MAP2K6: variants seen among roughly 807,000 people sequenced by gnomAD.
MAP2K6 encodes mitogen-activated protein kinase kinase 6.
Under a neutral mutation model 53.7 loss-of-function variants are expected in MAP2K6, and 16 were observed. The ratio of observed to expected loss-of-function variants is 0.30; its 90% confidence interval spans 0.20 to 0.45. MAP2K6 has a LOEUF of 0.45. Among genes scored for constraint, MAP2K6 ranks in the 20% least tolerant of loss-of-function variants. MAP2K6 has a pLI of 1.00. For synonymous variants in MAP2K6, 132 were observed against 143.1 expected (o/e 0.92, Z 0.55); for missense variants, 204 against 411.9 (o/e 0.50, Z 4.37).
chr17:69,434,516 G>T (rs189567678), intron 1 of MAP2K6: 219 of 152,298 alleles, frequency 1.4e-3, no homozygotes, highest in African/African-American at 5.0e-3. Context: ...TAGAGCTGGA[G>T]CTTCTGGGCC....
intron 1 of MAP2K6, among the ~76,000 whole-genome samples, chr17:69,463,131 A>C (rs1431030102): frequency 6.6e-6 from 1 of 151,834 alleles, no homozygotes; most frequent in East Asian, 1.9e-4. Context: ...ACACAGTGTT[A>C]GAGGTTTATG....
chr17:69,486,902 C>G (rs57643001), intron 1 of MAP2K6, among the ~76,000 whole-genome samples: 1 of 152,152 alleles, frequency 6.6e-6, no homozygotes, highest in Non-Finnish European at 1.5e-5. Context: ...ATCAGCTAGT[C>G]GATTGCCCAA....
intron 1 of MAP2K6, among the ~76,000 whole-genome samples, chr17:69,422,966 C>T (rs1177611502): frequency 2.6e-5 from 4 of 152,174 alleles, no homozygotes; most frequent in Admixed American, 1.3e-4. Flanking sequence ...TCACTGCAAT[C>T]GCCACCTCCT....
chr17:69,448,841 T>C (rs1907072209), intron 1 of MAP2K6, among the ~76,000 whole-genome samples: 1 of 152,196 alleles, frequency 6.6e-6, no homozygotes, highest in Middle Eastern at 3.2e-3. Context: ...CTTCTGTCCT[T>C]GGGATTCATG....
rs971900348 is a variant in MAP2K6, at chr17:69,494,641, C to T, written c.17-11139C>T. On this transcript the variant is annotated intron_variant, in intron 1 of 11. Coordinates refer to ENST00000590474, the MANE Select transcript of MAP2K6 (RefSeq NM_002758.4). This position sits in a 1 kb window ranked among gnomAD's most constrained non-coding sequence, Gnocchi z 4.2. ...GTTTCTTTATTACCCCCTTAGTCTTCAAGCAGCTGGTTGAATTAAAGTTAC... is the reference window on the plus strand; with the variant it reads ...GTTTCTTTATTACCCCCTTAGTCTTTAAGCAGCTGGTTGAATTAAAGTTAC... Among the ~76,000 whole-genome samples, 2 of 152,120 alleles carry T rather than the reference C, an allele frequency of 1.3e-5. No individual in the cohort carries two copies. The highest frequency in any genetic ancestry group is 4.8e-5 in the African/African-American group (2 of 41,436).
intron 1 of MAP2K6, among the ~76,000 whole-genome samples, chr17:69,443,947 C>T (rs1192078409): frequency 6.6e-6 from 1 of 152,098 alleles, no homozygotes; most frequent in East Asian, 1.9e-4. Context: ...CAGTTTGTTG[C>T]TACAACTGGG....
chr17:69,548,158 C>T lies in MAP2K6; in HGVS notation c.*6405C>T, dbSNP rs1911949194. On this transcript the variant is annotated 3_prime_UTR_variant, in exon 12 of 12. Coordinates refer to ENST00000590474, the MANE Select transcript of MAP2K6 (RefSeq NM_002758.4). Reference sequence around the variant, plus strand: ...TCAGGCCTACTCATTTTGTGCTGTCCCACAAAAGTGAGAGGAGTACTTCTC... The same window carrying T: ...TCAGGCCTACTCATTTTGTGCTGTCTCACAAAAGTGAGAGGAGTACTTCTC... 6.6e-6 allele frequency: 1 copy of T among 152,134 alleles called. No individual in the cohort carries two copies. Among genetic ancestry groups the T allele is most frequent in the African/African-American group, 2.4e-5 (1 of 41,438 alleles). 9.4% of individuals were successfully genotyped at this position (152,134 alleles called of 1,614,324 possible).
chr17:69,497,633 G>C (rs1908999626), intron 1 of MAP2K6, among the ~76,000 whole-genome samples: 1 of 150,594 alleles, frequency 6.6e-6, no homozygotes, highest in Non-Finnish European at 1.5e-5. Context: ...ACAGTATTTT[G>C]ATCTCTGACT....
intron 1 of MAP2K6, among the ~76,000 whole-genome samples, chr17:69,452,912 T>C (rs556324715): frequency 2.0e-5 from 3 of 152,322 alleles, no homozygotes; most frequent in African/African-American, 7.2e-5. Context: ...CATATTCAAT[T>C]ATAGTCAGTT....
intron 1 of MAP2K6, among the ~76,000 whole-genome samples, chr17:69,493,780 A>AAT (rs3030910): frequency 0.43 from 64,943 of 151,334 alleles, 14,178 homozygotes; most frequent in East Asian, 0.53. Flanking sequence ...GAAAAAAAAA[A>AAT]ATATATGTAT....
intron 1 of MAP2K6, among the ~76,000 whole-genome samples, chr17:69,478,015 G>A (rs552092162): frequency 1.3e-5 from 2 of 152,318 alleles, no homozygotes; most frequent in South Asian, 4.2e-4. Flanking sequence ...AGGTGTTAAA[G>A]GTGGCAAGAT....
chr17:69,475,247 CA>C (rs1908110125), intron 1 of MAP2K6, among the ~76,000 whole-genome samples: 1 of 147,908 alleles, frequency 6.8e-6, no homozygotes, highest in Admixed American at 6.8e-5. Flanking sequence ...CGGCTCACTG[CA>C]AGCTCCGCCT....
At chr17:69,515,170 T>A (rs1169829047) in intron 2 of MAP2K6, among the ~76,000 whole-genome samples, 1 of 151,958 alleles carries the variant, frequency 6.6e-6, no homozygotes, top group African/African-American at 2.4e-5. Flanking sequence ...CTTTTTTTTT[T>A]TTTTAATACA....
chr17:69,417,717 C>T (rs1460310822), intron 1 of MAP2K6, among the ~76,000 whole-genome samples: 1 of 151,664 alleles, frequency 6.6e-6, no homozygotes, highest in Non-Finnish European at 1.5e-5. Context: ...AGACAAGCTA[C>T]AGGAAAAATG....
At chr17:69,508,995 A>G (rs1042682128) in intron 2 of MAP2K6, among the ~76,000 whole-genome samples, 2 of 152,196 alleles carry the variant, frequency 1.3e-5, no homozygotes, top group Non-Finnish European at 2.9e-5. Context: ...CCAGTATGAC[A>G]TTGTCTTGAT....
chr17:69,429,464 A>G (rs1567814974), intron 1 of MAP2K6, among the ~76,000 whole-genome samples: 1 of 151,750 alleles, frequency 6.6e-6, no homozygotes, highest in African/African-American at 2.4e-5. Context: ...TGAGAGAGAG[A>G]GAGTAAGAAC....
At chr17:69,503,967 CG>C (rs952076102) in intron 1 of MAP2K6, among the ~76,000 whole-genome samples, 3 of 152,130 alleles carry the variant, frequency 2.0e-5, no homozygotes, top group African/African-American at 7.2e-5. Context: ...CTCAAAATCC[CG>C]GGTACGTCTC....
At chr17:69,507,517 C>T (rs1175349397) in intron 2 of MAP2K6, among the ~76,000 whole-genome samples, 1 of 152,186 alleles carries the variant, frequency 6.6e-6, no homozygotes, top group Non-Finnish European at 1.5e-5. Flanking sequence ...TCCCCAGCAA[C>T]CGCTAATCTG....
chr17:69,517,020 A>C (rs1910186763), intron 3 of MAP2K6, 117 bp downstream of exon 3: 1 of 781,496 alleles, frequency 1.3e-6, no homozygotes, highest in Admixed American at 2.4e-5. Context: ...AAAAGTTTGC[A>C]TTTAAAGGGA....
Sources: allele counts gnomAD v4.1 joint callset (sites outside exome capture counted in the v4.1 genomes callset), GRCh38; gene constraint gnomAD v4.1.1; non-coding constraint Gnocchi (gnomAD v3.1); transcripts MANE v1.5; gene names NCBI Gene and HGNC (gene_info 2026-07-23, HGNC 2026-07-21).